IQCM: variants seen among roughly 807,000 people sequenced by gnomAD.
IQCM encodes the protein IQ motif containing M.
IQCM carries 45 observed loss-of-function variants against 57.6 expected under a neutral mutation model. The ratio of observed to expected loss-of-function variants is 0.78; its 90% CI spans 0.62 to 1.00. IQCM has a LOEUF of 1.00. Among genes scored for constraint, IQCM ranks in the 50% least tolerant of loss-of-function variants. The pLI is 0.00. For missense variants in IQCM, 468 were observed against 511.6 expected (o/e 0.91, Z 0.82); for synonymous variants, 148 against 158.9 (o/e 0.93, Z 0.51).
chr4:149,800,733 C>T (rs76217467), intron 2 of IQCM, among the ~76,000 whole-genome samples: 3,338 of 151,686 alleles, frequency 0.022, 65 homozygotes, highest in South Asian at 0.036. Flanking sequence ...AAAAAGTAAC[C>T]TCATTTAAAA....
At chr4:149,467,362 C>T (rs374658351) in intron 12 of IQCM, among the ~76,000 whole-genome samples, 258 of 152,150 alleles carry the variant, frequency 1.7e-3, no homozygotes, top group African/African-American at 5.5e-3. Context: ...TTTGTTTATT[C>T]GTAATAACAA....
At chr4:149,719,016 T>C (rs547144288) in intron 5 of IQCM, among the ~76,000 whole-genome samples, 1 of 152,280 alleles carries the variant, frequency 6.6e-6, no homozygotes, top group Non-Finnish European at 1.5e-5. Flanking sequence ...TATTTACACC[T>C]GAAGTGAAAT....
intron 12 of IQCM, among the ~76,000 whole-genome samples, chr4:149,435,800 A>C (rs1337754693): frequency 1.3e-5 from 2 of 152,048 alleles, no homozygotes; most frequent in Non-Finnish European, 2.9e-5. Context: ...CTAAAAAAAA[A>C]CAAAAAATAT....
intron 13 of IQCM, among the ~76,000 whole-genome samples, chr4:149,383,855 A>T (rs1578871076): frequency 6.6e-6 from 1 of 152,142 alleles, no homozygotes; most frequent in African/African-American, 2.4e-5. Context: ...CAGGAGGCTG[A>T]GGCAGGAGAA....
chr4:149,534,069 GATT>G lies in IQCM; in HGVS notation c.1228+14383_1228+14385del, dbSNP rs755499570. On this transcript the variant is annotated intron_variant, in intron 12 of 13. Coordinates refer to ENST00000636793, the MANE Select transcript of IQCM (RefSeq NM_001363507.2). Reference sequence around the variant, plus strand: ...TAGACAGTGACAGTGATGTTATATTGATTATCCTTTAATCCATTCAAATCTATT... The same window carrying G: ...TAGACAGTGACAGTGATGTTATATTGATCCTTTAATCCATTCAAATCTATT... Among the ~76,000 whole-genome samples, 20 of 152,142 alleles carry G rather than the reference GATT, an allele frequency of 1.3e-4. No individual in the cohort carries two copies. The South Asian group carries it at 3.9e-3, about 30-fold the overall frequency.
At chr4:149,792,220 CAACG>C (rs1319358723) in intron 2 of IQCM, among the ~76,000 whole-genome samples, 1 of 151,966 alleles carries the variant, frequency 6.6e-6, no homozygotes, top group Non-Finnish European at 1.5e-5. Flanking sequence ...TATTTATATT[CAACG>C]AAAAGATTAA....
At chr4:149,540,383 A>T (rs142577904) in intron 12 of IQCM, among the ~76,000 whole-genome samples, 1 of 151,454 alleles carries the variant, frequency 6.6e-6, no homozygotes, top group Non-Finnish European at 1.5e-5. Flanking sequence ...CCCACAAGCT[A>T]TGTCACTACC....
chr4:149,775,143 T>C (rs961254003), intron 2 of IQCM, among the ~76,000 whole-genome samples: 1 of 152,076 alleles, frequency 6.6e-6, no homozygotes, highest in Admixed American at 6.6e-5. Flanking sequence ...ACTACTTTCT[T>C]TCATCCTACC....
At chr4:149,559,593 T>C (rs1010272710) in intron 10 of IQCM, among the ~76,000 whole-genome samples, 1 of 152,214 alleles carries the variant, frequency 6.6e-6, no homozygotes, top group African/African-American at 2.4e-5. Flanking sequence ...ACCTAAGACT[T>C]CTTTCAGTTG....
At chr4:149,358,407 A>G (rs1170200083) in intron 13 of IQCM, among the ~76,000 whole-genome samples, 2 of 152,102 alleles carry the variant, frequency 1.3e-5, no homozygotes, top group Admixed American at 6.5e-5. Flanking sequence ...CCCTCTGCAC[A>G]CTGCTTTGAA....
chr4:149,803,164 G>T (rs574499474), intron 2 of IQCM, among the ~76,000 whole-genome samples: 1 of 151,804 alleles, frequency 6.6e-6, no homozygotes, highest in South Asian at 2.1e-4. Context: ...GGTATGGAAC[G>T]TCATTAAAGC....
At chr4:149,472,374 G>T (rs530583194) in intron 12 of IQCM, among the ~76,000 whole-genome samples, 2 of 152,246 alleles carry the variant, frequency 1.3e-5, no homozygotes, top group South Asian at 2.1e-4. Flanking sequence ...ATTCACAATT[G>T]CTACAAAGGG....
At chr4:149,727,153 A>C (rs1561205322) in intron 5 of IQCM, among the ~76,000 whole-genome samples, 1 of 152,194 alleles carries the variant, frequency 6.6e-6, no homozygotes, top group Non-Finnish European at 1.5e-5. Flanking sequence ...TGTCTACTGG[A>C]CAATATTATC....
intron 7 of IQCM, among the ~76,000 whole-genome samples, chr4:149,672,651 T>C (rs530404686): frequency 1.4e-4 from 22 of 152,244 alleles, no homozygotes; most frequent in African/African-American, 4.8e-4. Context: ...CTACATCTGA[T>C]TGATGTACCT....
intron 7 of IQCM, among the ~76,000 whole-genome samples, chr4:149,673,738 T>C (rs1004432851): frequency 1.8e-4 from 27 of 152,016 alleles, no homozygotes; most frequent in Non-Finnish European, 3.5e-4. Context: ...AACAAGGATA[T>C]CCAGGAATTG....
chr4:149,665,528 C>A (rs1031345102), intron 7 of IQCM, among the ~76,000 whole-genome samples: 2 of 152,152 alleles, frequency 1.3e-5, no homozygotes, highest in Admixed American at 1.3e-4. Context: ...ATCCAGCAAA[C>A]TTCCTCAGTC....
chr4:149,750,405 G>T (rs183462826), intron 2 of IQCM, among the ~76,000 whole-genome samples: 1 of 152,260 alleles, frequency 6.6e-6, no homozygotes, highest in Admixed American at 6.5e-5. Context: ...AATATTAGAA[G>T]CTATGTCTTA....
At chr4:149,640,227 A>G (rs1197784208) in intron 7 of IQCM, among the ~76,000 whole-genome samples, 1 of 152,218 alleles carries the variant, frequency 6.6e-6, no homozygotes, top group Non-Finnish European at 1.5e-5. Context: ...CATGTAACAC[A>G]TAATAATCAC....
At chr4:149,570,129 A>T (rs1751019236) in intron 9 of IQCM, among the ~76,000 whole-genome samples, 1 of 152,000 alleles carries the variant, frequency 6.6e-6, no homozygotes, top group South Asian at 2.1e-4. Context: ...ATTTTCATTT[A>T]TCTTATCTTT....
Sources: allele counts gnomAD v4.1 joint callset (sites outside exome capture counted in the v4.1 genomes callset), GRCh38; gene constraint gnomAD v4.1.1; transcripts MANE v1.5; gene names NCBI Gene and HGNC (gene_info 2026-07-23, HGNC 2026-07-21).